Variants in PDGFRL observed in about 807,000 individuals in gnomAD.
PDGFRL encodes the protein platelet-derived growth factor receptor-like protein.
In PDGFRL, 46 loss-of-function variants were observed where a neutral mutation model predicts 37.2. The observed-to-expected ratio is 1.24, with a 90% CI of 0.98 to 1.58. The LOEUF (loss-of-function observed/expected upper bound fraction) is 1.58. Among genes scored for constraint, PDGFRL ranks in the 40% most tolerant of loss-of-function variants. The probability of loss-of-function intolerance (pLI) is 0.00; values close to 1 mark genes in which losing one functional copy is unlikely to be tolerated. For missense variants in PDGFRL, 692 were observed against 467.6 expected (o/e 1.48, Z -4.43); for synonymous variants, 251 against 184.3 (o/e 1.36, Z -2.93).
intron 4 of PDGFRL, among the ~76,000 whole-genome samples, chr8:17,629,263 C>T (rs1291707240): frequency 6.6e-6 from 1 of 151,974 alleles, no homozygotes; most frequent in Non-Finnish European, 1.5e-5. Context: ...TCCCTTCTGC[C>T]CCACCACTTC....
intron 2 of PDGFRL, among the ~76,000 whole-genome samples, chr8:17,617,457 G>A (rs1021848351): frequency 6.6e-6 from 1 of 152,264 alleles, no homozygotes; most frequent in Middle Eastern, 3.4e-3. Flanking sequence ...TACAGACACT[G>A]GCTCTGAAGG....
At chr8:17,629,745 C>T (rs1165226982) in intron 4 of PDGFRL, among the ~76,000 whole-genome samples, 1 of 152,164 alleles carries the variant, frequency 6.6e-6, no homozygotes, top group African/African-American at 2.4e-5. Flanking sequence ...CCACCCTCAT[C>T]ACAATGTGAA....
chr8:17,642,565 T>A (rs1271582408), intron 5 of PDGFRL, 48 bp from the exon 6 acceptor site: 1 of 1,164,470 alleles, frequency 8.6e-7, no homozygotes, highest in Non-Finnish European at 1.3e-6. Context: ...GAGCTCTTTA[T>A]AGCAGCTTGT....
At chr8:17,596,785 A>G (rs187496979) in intron 2 of PDGFRL, among the ~76,000 whole-genome samples, 3 of 152,372 alleles carry the variant, frequency 2.0e-5, no homozygotes, top group African/African-American at 7.2e-5. Flanking sequence ...ACATCTAGTC[A>G]TAGCTATATC....
chr8:17,586,583 G>A (rs2517144), intron 1 of PDGFRL, among the ~76,000 whole-genome samples: 138,467 of 152,142 alleles, frequency 0.91, 64,131 homozygotes, highest in Non-Finnish European at 1. Context: ...ATACATTAAA[G>A]AGACTAATAT....
rs188638306 is a variant in PDGFRL at position 17,605,404 on chromosome 8, A to G, written c.353+15639A>G. On this transcript the variant is annotated intron_variant, in intron 2 of 5. Coordinates refer to ENST00000251630, the MANE Select transcript of PDGFRL (RefSeq NM_001372073.1). Reference sequence around the variant, plus strand: ...TTGCATTTTGTTGATAATATTAAAAACTTTGTGTAAGAATATTCTGGATTA... The same window carrying G: ...TTGCATTTTGTTGATAATATTAAAAGCTTTGTGTAAGAATATTCTGGATTA... Among the ~76,000 whole-genome samples, 21 of 152,210 alleles carry G rather than the reference A, an allele frequency of 1.4e-4. No homozygotes were observed. The East Asian group carries it at 3.3e-3, about 24-fold the overall frequency.
chr8:17,589,391 A>G lies in PDGFRL; in HGVS notation c.56-77A>G. The G allele has an allele frequency of 6.0e-6, 7 of 1,159,490 alleles. No individual in the cohort carries two copies. In the South Asian group the frequency reaches 7.4e-5, roughly 12 times the overall value. The allele number at this position is 1,159,490 out of a possible 1,614,324, so 71.8% of individuals were successfully genotyped here. A position where few individuals can be genotyped will look rare whatever the true frequency, so the allele number is the denominator to read the frequency against. ...ATAGAGTAAGAATCTGTCTCAAAAA[A>G]AAAAAAAAGTTATTGGCCTCAAATA... On this transcript the variant is annotated intron_variant, in intron 1 of 5. Coordinates refer to ENST00000251630, the MANE Select transcript of PDGFRL (RefSeq NM_001372073.1).
At chr8:17,592,999 G>A (rs1009736625) in intron 2 of PDGFRL, among the ~76,000 whole-genome samples, 6 of 151,890 alleles carry the variant, frequency 4.0e-5, no homozygotes, top group African/African-American at 1.5e-4. Flanking sequence ...ACGTATAAGT[G>A]ATATTAAACT....
rs3040922 is a variant in PDGFRL at position 17,609,634 on chromosome 8, T to TA, written c.354-11386dup. ...GCCTGGGTGACAGAGTGAGACTCTGTAAAAAAAAAAAAAAAAAAAAAAAAA... is the reference window on the plus strand; with the variant it reads ...GCCTGGGTGACAGAGTGAGACTCTGTAAAAAAAAAAAAAAAAAAAAAAAAAA... On this transcript the variant is annotated intron_variant, in intron 2 of 5. Coordinates refer to ENST00000251630, the MANE Select transcript of PDGFRL (RefSeq NM_001372073.1). 3.9e-3 allele frequency among the ~76,000 whole-genome samples: 170 copies of TA among 43,540 alleles called. 10 individuals carry two copies. The highest frequency in any genetic ancestry group is 0.012 in the African/African-American group (142 of 11,874). The allele number at this position is 43,540 out of a possible 152,430, so 28.6% of individuals were successfully genotyped here. A position where few individuals can be genotyped will look rare whatever the true frequency, so the allele number is the denominator to read the frequency against.
chr8:17,632,971 A>C (rs114658104), intron 4 of PDGFRL, among the ~76,000 whole-genome samples: 7,391 of 152,142 alleles, frequency 0.049, 461 homozygotes, highest in African/African-American at 0.14. Flanking sequence ...CTTTTGGAGT[A>C]CTCTGGGCTT....
intron 2 of PDGFRL, among the ~76,000 whole-genome samples, chr8:17,599,954 T>A (rs1039042037): frequency 1.3e-5 from 2 of 152,140 alleles, no homozygotes; most frequent in Non-Finnish European, 2.9e-5. Flanking sequence ...TTCTGGATCA[T>A]CAACATCTCC....
chr8:17,636,650 A>G (rs1458660689), intron 5 of PDGFRL, among the ~76,000 whole-genome samples: 1 of 152,052 alleles, frequency 6.6e-6, no homozygotes, highest in Non-Finnish European at 1.5e-5. Flanking sequence ...AGTTCTGTGA[A>G]GAATGATGGT....
At position 17,638,776 on chromosome 8, in the gene PDGFRL, T is replaced by TATAA. The variant is rs1554556062; in HGVS notation, c.940-3834_940-3833insAATA. Among the ~76,000 whole-genome samples the TATAA allele has an allele frequency of 3.0e-4, 32 of 106,024 alleles. No individual in the cohort carries two copies. In the South Asian group the frequency reaches 3.4e-3, roughly 11 times the overall value. The allele number at this position is 106,024 out of a possible 152,430, so 69.6% of individuals were successfully genotyped here. A position where few individuals can be genotyped will look rare whatever the true frequency, so the allele number is the denominator to read the frequency against. On this transcript the variant is annotated intron_variant, in intron 5 of 5. Coordinates refer to ENST00000251630, the MANE Select transcript of PDGFRL (RefSeq NM_001372073.1). ...ATATATATATATATATATATATATA[T>TATAA]ATATATATATAATTGTGATATTTTC...
At chr8:17,604,716 T>C (rs28370371) in intron 2 of PDGFRL, among the ~76,000 whole-genome samples, 5,450 of 152,184 alleles carry the variant, frequency 0.036, 181 homozygotes, top group East Asian at 0.15. Flanking sequence ...GCACATGTAC[T>C]CTAAAACTTA....
Position 17,631,593 on chromosome 8 carries a change from T to TGTCCCTCTCCAC in PDGFRL, c.800-2480_800-2469dup, listed in dbSNP as rs541605381. Among the ~76,000 whole-genome samples, 911 of 152,170 alleles carry TGTCCCTCTCCAC rather than the reference T, an allele frequency of 6.0e-3. 3 individuals carry two copies. The highest frequency in any genetic ancestry group is 9.1e-3 in the Non-Finnish European group (621 of 67,990). On this transcript the variant is annotated intron_variant, in intron 4 of 5. Transcript: ENST00000251630. ...AGTCCCTGAATGAAAGAGCTCTCCA[T>TGTCCCTCTCCAC]GTCCCTCTCCACTTCCTTTCCTCCC...
At chr8:17,587,749 T>A (rs1466510884) in intron 1 of PDGFRL, among the ~76,000 whole-genome samples, 1 of 150,956 alleles carries the variant, frequency 6.6e-6, no homozygotes, top group African/African-American at 2.5e-5. Flanking sequence ...TGCCTCAGCC[T>A]CCCGAGTGGT....
upstream of PDGFRL, chr8:17,576,741 C>A (rs777714123): frequency 2.1e-5 from 20 of 972,038 alleles, no homozygotes; most frequent in Non-Finnish European, 2.3e-5. Flanking sequence ...CAGCAAGAAC[C>A]CGGGGCAACG....
At chr8:17,605,280 C>T (rs2427711) in intron 2 of PDGFRL, among the ~76,000 whole-genome samples, 3,789 of 152,276 alleles carry the variant, frequency 0.025, 105 homozygotes, top group Middle Eastern at 0.068. Context: ...TTGCCTCCAT[C>T]CTTCCTCCCC....
chr8:17,628,255 A>G (rs1025622523), intron 3 of PDGFRL, among the ~76,000 whole-genome samples: 39 of 151,396 alleles, frequency 2.6e-4, no homozygotes, highest in African/African-American at 9.0e-4. Flanking sequence ...CAGCCTCCCA[A>G]AGTGCTGGGA....
Sources: allele counts gnomAD v4.1 joint callset (sites outside exome capture counted in the v4.1 genomes callset), GRCh38; gene constraint gnomAD v4.1.1; transcripts MANE v1.5; gene names NCBI Gene and HGNC (gene_info 2026-07-23, HGNC 2026-07-21).